Variants in AGBL4 observed in about 807,000 individuals in gnomAD.
AGBL4 encodes cytosolic carboxypeptidase 6.
In AGBL4, 58 loss-of-function variants were observed where a neutral mutation model predicts 66.4. The observed-to-expected ratio is 0.87, with a 90% CI of 0.71 to 1.09. The LOEUF is 1.09. AGBL4 is among the 50% of genes least tolerant of loss of function. The pLI, the probability that AGBL4 is intolerant of heterozygous loss-of-function variation, is 0.00. For missense variants in AGBL4, 579 were observed against 631.0 expected (o/e 0.92, Z 0.88); for synonymous variants, 234 against 222.9 (o/e 1.05, Z -0.44).
intron 6 of AGBL4, among the ~76,000 whole-genome samples, chr1:48,677,462 A>C (rs967828082): frequency 5.3e-5 from 8 of 152,242 alleles, no homozygotes; most frequent in African/African-American, 1.9e-4. Context: ...GAGAAGGGAA[A>C]GGAAGGGAAA....
chr1:49,821,233 A>G (rs2147992895), intron 2 of AGBL4, among the ~76,000 whole-genome samples: 1 of 152,282 alleles, frequency 6.6e-6, no homozygotes, highest in South Asian at 2.1e-4. Context: ...GTGCCCCAAG[A>G]ATTCTTCAAA....
At chr1:49,378,007 C>G (rs1284133743) in intron 3 of AGBL4, among the ~76,000 whole-genome samples, 1 of 144,684 alleles carries the variant, frequency 6.9e-6, no homozygotes, top group South Asian at 2.1e-4. Flanking sequence ...TGTCTCCCAA[C>G]ACAAACTTCA....
intron 5 of AGBL4, among the ~76,000 whole-genome samples, chr1:49,003,087 A>T (rs1368304466): frequency 6.6e-6 from 1 of 152,198 alleles, no homozygotes; most frequent in Non-Finnish European, 1.5e-5. Flanking sequence ...AGAATGAATG[A>T]CTTGATGAAA....
chr1:49,737,551 C>T (rs1381717373), intron 2 of AGBL4, among the ~76,000 whole-genome samples: 1 of 152,046 alleles, frequency 6.6e-6, no homozygotes, highest in Non-Finnish European at 1.5e-5. Flanking sequence ...GAGACAGGGG[C>T]AAGAGCTGAA....
chr1:48,959,298 C>T (rs1017597250), intron 5 of AGBL4, among the ~76,000 whole-genome samples: 3 of 152,180 alleles, frequency 2.0e-5, no homozygotes, highest in African/African-American at 7.2e-5. Context: ...ACTTCACAAA[C>T]TCCCTGAATC....
At chr1:48,866,051 G>A (rs935531419) in intron 6 of AGBL4, among the ~76,000 whole-genome samples, 1 of 152,152 alleles carries the variant, frequency 6.6e-6, no homozygotes, top group African/African-American at 2.4e-5. Context: ...CAAGCTCAAA[G>A]AGTTCTGTCA....
chr1:49,968,578 T>C (rs1204449378), intron 1 of AGBL4, among the ~76,000 whole-genome samples: 1 of 152,212 alleles, frequency 6.6e-6, no homozygotes, highest in African/African-American at 2.4e-5. Context: ...TTGGATAGCA[T>C]GCCTACTAAA....
At chr1:49,762,627 T>C (rs190889773) in intron 2 of AGBL4, among the ~76,000 whole-genome samples, 1 of 152,320 alleles carries the variant, frequency 6.6e-6, no homozygotes, top group East Asian at 1.9e-4. Context: ...TTGGCCAGGA[T>C]GGTCTCAATC....
intron 5 of AGBL4, among the ~76,000 whole-genome samples, chr1:48,927,883 C>T (rs1408809523): frequency 6.6e-6 from 1 of 152,192 alleles, no homozygotes; most frequent in African/African-American, 2.4e-5. Context: ...TGTGTCTGCC[C>T]TTTAACCACT....
chr1:49,718,399 T>C (rs1012380000), intron 2 of AGBL4, among the ~76,000 whole-genome samples: 7 of 152,088 alleles, frequency 4.6e-5, no homozygotes, highest in African/African-American at 7.2e-5. Flanking sequence ...ACTTCCTGTA[T>C]AGCCTACAGA....
At chr1:48,723,301 T>C (rs1647180327) in intron 6 of AGBL4, among the ~76,000 whole-genome samples, 1 of 152,212 alleles carries the variant, frequency 6.6e-6, no homozygotes, top group African/African-American at 2.4e-5. Flanking sequence ...ATTTTACTGA[T>C]GGCAATAACT....
intron 2 of AGBL4, among the ~76,000 whole-genome samples, chr1:49,713,669 A>T (rs1475035779): frequency 2.0e-5 from 3 of 152,062 alleles, no homozygotes; most frequent in Non-Finnish European, 4.4e-5. Context: ...TAATATGTTG[A>T]TCAATAAAAG....
chr1:48,736,390 T>A lies in AGBL4; in HGVS notation c.635-73149A>T. 1 of 1,614,190 alleles carries A rather than the reference T, an allele frequency of 6.2e-7. No individual in the cohort carries two copies. The highest frequency in any genetic ancestry group is 8.5e-7 in the Non-Finnish European group (1 of 1,180,036). ...AGTTCTTCGTGTACTTGGAATCTCCTTGGGTTACTTGTAGCTGGTGCCATT... is the reference window on the plus strand; with the variant it reads ...AGTTCTTCGTGTACTTGGAATCTCCATGGGTTACTTGTAGCTGGTGCCATT... On this transcript the variant is annotated intron_variant, in intron 6 of 13. Transcript: ENST00000371839. This position sits in a 1 kb window ranked among gnomAD's most constrained non-coding sequence, Gnocchi z 4.0.
chr1:49,275,255 A>T (rs1348752047), intron 3 of AGBL4, among the ~76,000 whole-genome samples: 4 of 152,186 alleles, frequency 2.6e-5, no homozygotes, highest in African/African-American at 9.6e-5. Flanking sequence ...TGGTTTCTTT[A>T]TAAGGTTCTA....
chr1:49,242,838 A>G (rs1651342110), intron 4 of AGBL4, among the ~76,000 whole-genome samples: 1 of 151,776 alleles, frequency 6.6e-6, no homozygotes, highest in South Asian at 2.1e-4. Context: ...TTGAATGGCC[A>G]CATATTTACA....
chr1:48,716,327 A>G (rs1397262830), intron 6 of AGBL4, among the ~76,000 whole-genome samples: 1 of 152,170 alleles, frequency 6.6e-6, no homozygotes, highest in Non-Finnish European at 1.5e-5. Context: ...CTTGGATTTG[A>G]ATCCTGGCTC....
At chr1:49,380,695 T>G (rs75660051) in intron 3 of AGBL4, among the ~76,000 whole-genome samples, 1 of 146,952 alleles carries the variant, frequency 6.8e-6, no homozygotes, top group Non-Finnish European at 1.5e-5. Flanking sequence ...ATGCCACATA[T>G]CTGCAACTAT....
intron 3 of AGBL4, among the ~76,000 whole-genome samples, chr1:49,318,255 A>G (rs1645073405): frequency 6.6e-6 from 1 of 151,976 alleles, no homozygotes; most frequent in African/African-American, 2.4e-5. Context: ...ACTATAAAAT[A>G]TAATAAAATA....
At chr1:49,755,897 T>C in intron 2 of AGBL4, among the ~76,000 whole-genome samples, 1 of 152,194 alleles carries the variant, frequency 6.6e-6, no homozygotes, top group East Asian at 1.9e-4. Flanking sequence ...TTCAAATCCT[T>C]ATTCAATGGC....
Sources: gnomAD v4.1 joint callset for allele counts (sites outside exome capture counted in the v4.1 genomes callset) on GRCh38, gnomAD v4.1.1 for gene constraint, Gnocchi (gnomAD v3.1) non-coding constraint, MANE v1.5 for transcripts, NCBI Gene and HGNC (gene_info 2026-07-23, HGNC 2026-07-21) for gene names.